Variants in SCAMP3 observed in about 807,000 individuals in gnomAD.
SCAMP3 encodes the protein secretory carrier-associated membrane protein 3.
SCAMP3 carries 30 observed loss-of-function variants against 44.1 expected under a neutral mutation model. The observed-to-expected ratio is 0.68, with a 90% CI of 0.51 to 0.92. SCAMP3 has a LOEUF of 0.92. Ranked by LOEUF, SCAMP3 falls within the 40% of genes least tolerant of loss-of-function variation. SCAMP3 has a pLI of 0.00. For missense variants in SCAMP3, 394 were observed against 440.0 expected (o/e 0.90, Z 0.93); for synonymous variants, 168 against 171.1 (o/e 0.98, Z 0.14).
In SCAMP3 at chr1:155,257,780, C is replaced by T. The variant is rs561134192; in HGVS notation, c.518-123G>A. 14 of 876,288 alleles carry T rather than the reference C, an allele frequency of 1.6e-5. No homozygotes were observed. The East Asian group carries it at 3.7e-4, about 23-fold the overall frequency. The allele number at this position is 876,288 out of a possible 1,614,324, so 54.3% of individuals were successfully genotyped here. ...AGTAAGGAAATGAAGGCAGCTGCTGCCTTCATGGAATCCTCAACAGGGGAG... is the reference window on the plus strand; with the variant it reads ...AGTAAGGAAATGAAGGCAGCTGCTGTCTTCATGGAATCCTCAACAGGGGAG... On this transcript the variant is annotated intron_variant, in intron 5 of 8. Coordinates refer to ENST00000302631, the MANE Select transcript of SCAMP3 (RefSeq NM_005698.4).
intron 7 of SCAMP3, among the ~76,000 whole-genome samples, chr1:155,257,066 G>A (rs1572002276): frequency 6.6e-6 from 1 of 152,200 alleles, no homozygotes; most frequent in Non-Finnish European, 1.5e-5. Context: ...CCTCCAGGAA[G>A]CCACCTTAGA....
At chr1:155,261,984 C>T in intron 1 of SCAMP3, 102 bp downstream of exon 1, 1 of 1,254,096 alleles carries the variant, frequency 8.0e-7, no homozygotes, top group Non-Finnish European at 1.1e-6. Flanking sequence ...GCGGCTCTTC[C>T]CAGGATCAAA....
chr1:155,260,367 C>T lies in SCAMP3; in HGVS notation c.351G>A (p.Glu117=), dbSNP rs1672927498. 1.9e-6 allele frequency: 3 copies of T among 1,613,498 alleles called. No homozygotes were observed. The Middle Eastern group carries it at 4.9e-4, about 266-fold the overall frequency. Residue 117 remains glutamate (E), a synonymous_variant, in exon 4 of 9, where the codon GAG becomes GAA. Coordinates refer to ENST00000302631, the MANE Select transcript of SCAMP3 (RefSeq NM_005698.4). ...CCAGGGCAGCATGCTGCAGCTCTCG[C>T]TCCCTTCGGTCCAACTCCTCTGCCT... ...NRKAEELDRR[E]RELQHAALGG...
At chr1:155,258,681 T>C (rs1672870495) in intron 5 of SCAMP3, 145 bp downstream of exon 5, 2 of 737,442 alleles carry the variant, frequency 2.7e-6, no homozygotes, top group East Asian at 2.7e-5. Context: ...ATATGGACAA[T>C]AAAAAGTGGG....
At position 155,258,973 on chromosome 1, in the gene SCAMP3, C is replaced by A; in HGVS notation, c.389-19G>T. 2 of 1,599,114 alleles carry A rather than the reference C, an allele frequency of 1.3e-6. No individual in the cohort carries two copies. Among genetic ancestry groups the A allele is most frequent in the African/African-American group, 1.4e-5 (1 of 73,858 alleles). Reference sequence around the variant, plus strand: ...TGTCGAGCTGTAAGGCACAAAAAAACAGGTGGACCCCAGAAGTAAAACAGA... The same window carrying A: ...TGTCGAGCTGTAAGGCACAAAAAAAAAGGTGGACCCCAGAAGTAAAACAGA... On this transcript the variant is annotated intron_variant, in intron 4 of 8. Coordinates refer to ENST00000302631, the MANE Select transcript of SCAMP3 (RefSeq NM_005698.4).
In SCAMP3 at chr1:155,260,611, A is replaced by C; in HGVS notation, c.193T>G (p.Ser65Ala). Residue 65 changes from serine (S) to alanine (A), a missense_variant, in exon 3 of 9, where the codon TCA becomes GCA. Coordinates refer to ENST00000302631, the MANE Select transcript of SCAMP3 (RefSeq NM_005698.4). ...PPAPAPLPPP[S>A]APSLQPSRKL... ...CTCGAGGGCTGCAAGGAGGGAGCTG[A>C]GGGTGGAGGCAATGGGGCAGGGGCT... The C allele has an allele frequency of 6.2e-7, 1 of 1,614,016 alleles. No individual in the cohort carries two copies. The highest frequency in any genetic ancestry group is 1.1e-5 in the South Asian group (1 of 91,072).
intron 1 of SCAMP3, 138 bp from the exon 2 acceptor site, chr1:155,261,872 T>G (rs1672974876): frequency 1.1e-6 from 1 of 870,866 alleles, no homozygotes; most frequent in Non-Finnish European, 1.9e-6. Context: ...GGACAACATT[T>G]ACCTCAAATC....
chr1:155,258,784 G>A (rs769558937), intron 5 of SCAMP3, 42 bp downstream of exon 5: 83 of 1,565,516 alleles, frequency 5.3e-5, no homozygotes, highest in Non-Finnish European at 6.6e-5. Context: ...GCAGTTAAGA[G>A]ATCTACCTGT....
chr1:155,257,730 C>A lies in SCAMP3; in HGVS notation c.518-73G>T, dbSNP rs562879076. 5 of 1,383,478 alleles carry A rather than the reference C, an allele frequency of 3.6e-6. No homozygotes were observed. In the South Asian group the frequency reaches 5.0e-5, roughly 14 times the overall value. The allele number at this position is 1,383,478 out of a possible 1,614,324, so 85.7% of individuals were successfully genotyped here. A position where few individuals can be genotyped will look rare whatever the true frequency, so the allele number is the denominator to read the frequency against. On this transcript the variant is annotated intron_variant, in intron 5 of 8. Coordinates refer to ENST00000302631, the MANE Select transcript of SCAMP3 (RefSeq NM_005698.4). Reference sequence around the variant, plus strand: ...AGGCTCCTTCCCATCTATGCTCATCCTATAATATTCACCAAACATGGCAGA... The same window carrying A: ...AGGCTCCTTCCCATCTATGCTCATCATATAATATTCACCAAACATGGCAGA...
At chr1:155,258,057 C>T (rs1392348643) in intron 5 of SCAMP3, among the ~76,000 whole-genome samples, 4 of 142,828 alleles carry the variant, frequency 2.8e-5, no homozygotes, top group African/African-American at 1.1e-4. Flanking sequence ...CTCGCTCTGT[C>T]GCCCAGGCTG....
chr1:155,260,502 C>T (rs1251784702), intron 3 of SCAMP3, 35 bp downstream of exon 3: 1 of 1,614,056 alleles, frequency 6.2e-7, no homozygotes, highest in Non-Finnish European at 8.5e-7. Context: ...AGGACTGGCC[C>T]TTCTCCCCAG....
At position 155,262,125 on chromosome 1, in the gene SCAMP3, G is replaced by A. The variant is rs1347613573; in HGVS notation, c.27C>T (p.Asn9=). The part of the protein sequence containing the change: MAQSRDGG[N]PFAEPSELDN... ...CAAGCTCGCTGGGCTCGGCGAACGG[G>A]TTTCCGCCGTCTCTGCTCTGAGCCA... Residue 9 remains asparagine (N), a synonymous_variant, in exon 1 of 9, where the codon AAC becomes AAT. Transcript: ENST00000302631. The A allele has an allele frequency of 5.0e-6, 8 of 1,614,040 alleles. No individual in the cohort carries two copies. The highest frequency in any genetic ancestry group is 5.1e-6 in the Non-Finnish European group (6 of 1,180,034).
At chr1:155,258,983 C>T (rs375601466) in intron 4 of SCAMP3, 29 bp from the exon 5 acceptor site, 491 of 1,597,836 alleles carry the variant, frequency 3.1e-4, no homozygotes, top group Non-Finnish European at 4.0e-4. Flanking sequence ...CAGGTGGACC[C>T]CAGAAGTAAA....
In SCAMP3 at chr1:155,256,197, C is replaced by T. The variant is rs546680430; in HGVS notation, c.*76G>A. The T allele has an allele frequency of 1.4e-6, 2 of 1,426,794 alleles. No individual in the cohort carries two copies. Among genetic ancestry groups the T allele is most frequent in the African/African-American group, 2.9e-5 (2 of 69,832 alleles). The allele number at this position is 1,426,794 out of a possible 1,614,324, so 88.4% of individuals were successfully genotyped here. A position where few individuals can be genotyped will look rare whatever the true frequency, so the allele number is the denominator to read the frequency against. ...GAGCCATCAGTTAGTGATGTCTCTC[C>T]AAGTCCCAGAGACCTTAGGGACGGG... On this transcript the variant is annotated 3_prime_UTR_variant, in exon 9 of 9. Coordinates refer to ENST00000302631, the MANE Select transcript of SCAMP3 (RefSeq NM_005698.4).
chr1:155,259,389 T>A (rs1672896765), intron 4 of SCAMP3, among the ~76,000 whole-genome samples: 1 of 152,076 alleles, frequency 6.6e-6, no homozygotes, highest in Non-Finnish European at 1.5e-5. Flanking sequence ...TGGCTGGTCC[T>A]GAACTCCTGA....
In SCAMP3 at chr1:155,256,681, A is replaced by T. The variant is rs186213197; in HGVS notation, c.890T>A (p.Leu297Gln). 1 of 1,613,872 alleles carries T rather than the reference A, an allele frequency of 6.2e-7. No homozygotes were observed. Among genetic ancestry groups the T allele is most frequent in the East Asian group, 2.2e-5 (1 of 44,874 alleles). The change falls in exon 8 of 9, where the codon CTG (leucine) becomes CAG (glutamine). Residue 297 changes from leucine to glutamine, a missense_variant. Leu to Gln is a moderately radical substitution (Grantham distance 113). Transcript: ENST00000302631. The part of the protein sequence containing the change: ...TGIAVLGIVM[L>Q]KRIHSLYRRT... ...CTTCGACACAGCCCTCACCCGTTTC[A>T]GCATGACAATTCCTAGCACAGCAAT...
chr1:155,258,176 C>G (rs1483402501), intron 5 of SCAMP3, among the ~76,000 whole-genome samples: 2 of 151,994 alleles, frequency 1.3e-5, no homozygotes, highest in Non-Finnish European at 2.9e-5. Flanking sequence ...CCCGCCACCA[C>G]GCCCGGCTAA....
rs1290419833 is a variant in SCAMP3, at chr1:155,257,627, A to T, written c.548T>A (p.Leu183His). The change falls in exon 6 of 9, where the codon CTC becomes CAC. Residue 183 changes from leucine to histidine, a missense_variant. Leu to His is a moderately conservative substitution (Grantham distance 99, BLOSUM62 -3). Transcript: ENST00000302631. ...CSTLALLLNF[L>H]ACLASFCVET... Reference sequence around the variant, plus strand: ...CACACAGAAGCTGGCCAGGCAGGCGAGGAAGTTCAGGAGAAGAGCCAGCGT... The same window carrying T: ...CACACAGAAGCTGGCCAGGCAGGCGTGGAAGTTCAGGAGAAGAGCCAGCGT... The T allele has an allele frequency of 5.7e-6, 9 of 1,568,520 alleles. No homozygotes were observed. In the Admixed American group the frequency reaches 7.5e-5, roughly 13 times the overall value.
intron 4 of SCAMP3, among the ~76,000 whole-genome samples, chr1:155,259,706 C>A (rs1274919074): frequency 6.6e-6 from 1 of 152,140 alleles, no homozygotes; most frequent in East Asian, 1.9e-4. Flanking sequence ...TCCAAGGAGA[C>A]AAGTGAGAGT....
Sources: allele counts gnomAD v4.1 joint callset (sites outside exome capture counted in the v4.1 genomes callset), GRCh38; gene constraint gnomAD v4.1.1; transcripts MANE v1.5; gene names NCBI Gene and HGNC (gene_info 2026-07-23, HGNC 2026-07-21).